PPP2R5C: variants seen among roughly 807,000 people sequenced by gnomAD.
The protein encoded by PPP2R5C is protein phosphatase 2 regulatory subunit B'gamma, also known as serine/threonine-protein phosphatase 2A 56 kDa regulatory subunit gamma isoform.
Under a neutral mutation model 68.9 loss-of-function variants are expected in PPP2R5C, and 7 were observed. The ratio of observed to expected loss-of-function variants is 0.10; its 90% CI spans 0.06 to 0.19. The LOEUF (loss-of-function observed/expected upper bound fraction) is 0.19. Among genes scored for constraint, PPP2R5C ranks in the 10% least tolerant of loss-of-function variants. The probability of loss-of-function intolerance (pLI) is 1.00; values close to 1 mark genes in which losing one functional copy is unlikely to be tolerated. For missense variants in PPP2R5C, 348 were observed against 641.3 expected (o/e 0.54, Z 4.94); for synonymous variants, 210 against 222.2 (o/e 0.95, Z 0.49).
rs1292493583 is a variant in PPP2R5C, at chr14:101,912,283, G to GC, written c.1254-117dup. The GC allele has an allele frequency of 4.2e-6, 3 of 722,386 alleles. No individual in the cohort carries two copies. The African/African-American group carries it at 5.5e-5, about 13-fold the overall frequency. The allele number at this position is 722,386 out of a possible 1,614,324, so 44.7% of individuals were successfully genotyped here. ...CAGCACGTAAGTGTGGGGAAATGGA[G>GC]CAGGGGGGCTGCGGGAGGAGCCGCT... is the stretch of plus-strand genomic sequence containing the variant. On this transcript the variant is annotated intron_variant, in intron 11 of 13. Coordinates refer to ENST00000334743, the Ensembl canonical transcript of PPP2R5C.
Position 101,917,638 on chromosome 14 carries a change from A to G in PPP2R5C, c.1327-193A>G, listed in dbSNP as rs2046754659. 1 of 628,736 alleles carries G rather than the reference A, an allele frequency of 1.6e-6. No homozygotes were observed. 38.9% of individuals were successfully genotyped at this position (628,736 alleles called of 1,614,324 possible). On this transcript the variant is annotated intron_variant, in intron 12 of 13. Coordinates refer to ENST00000334743, the Ensembl canonical transcript of PPP2R5C. The surrounding 1 kb of genome is among the most constrained non-coding windows in gnomAD (Gnocchi z 4.4). Reference sequence around the variant, plus strand: ...GGGGACCAGCTGCTTTACTGTCTCCACTGAGTGCTTTCTGGTTTCAGAAGT... The same window carrying G: ...GGGGACCAGCTGCTTTACTGTCTCCGCTGAGTGCTTTCTGGTTTCAGAAGT...
At chr14:101,914,917 TCA>T (rs2046580340) in intron 12 of PPP2R5C, among the ~76,000 whole-genome samples, 8 of 152,216 alleles carry the variant, frequency 5.3e-5, no homozygotes, top group Non-Finnish European at 7.3e-5. Context: ...TCTGTGAGAC[TCA>T]GAGTAGCTGT....
At position 101,917,698 on chromosome 14, in the gene PPP2R5C, C is replaced by A; in HGVS notation, c.1327-133C>A. 1 of 1,230,472 alleles carries A rather than the reference C, an allele frequency of 8.1e-7. No homozygotes were observed. The highest frequency in any genetic ancestry group is 1.1e-6 in the Non-Finnish European group (1 of 882,076). 76.2% of individuals were successfully genotyped at this position (1,230,472 alleles called of 1,614,324 possible). A position where few individuals can be genotyped will look rare whatever the true frequency, so the allele number is the denominator to read the frequency against. On this transcript the variant is annotated intron_variant, in intron 12 of 13. Transcript: ENST00000334743. The surrounding 1 kb of genome is among the most constrained non-coding windows in gnomAD (Gnocchi z 4.4). ...CATCATGTTGCAGGTGTAGGCGAGTCTCCCACTGAGTGGGCTTCCTGCGGG... is the reference window on the plus strand; with the variant it reads ...CATCATGTTGCAGGTGTAGGCGAGTATCCCACTGAGTGGGCTTCCTGCGGG...
rs775818748 is a variant in PPP2R5C, at chr14:101,919,969, C to CCAAAAAAAAAAAAAAAA, written c.1443+2022_1443+2023insCAAAAAAAAAAAAAAAA. On this transcript the variant is annotated intron_variant, in intron 13 of 13. Transcript: ENST00000334743. ...GGGCAAGAAAAGCAAAACTCCGTCTCAAAAAAAAAAAAAAAAAAAAAAACC... is the reference window on the plus strand; with the variant it reads ...GGGCAAGAAAAGCAAAACTCCGTCTCCAAAAAAAAAAAAAAAAAAAAAAAAAAAAAAAAAAAAAAACC... Among the ~76,000 whole-genome samples the CCAAAAAAAAAAAAAAAA allele has an allele frequency of 5.3e-4, 28 of 52,878 alleles. 1 individual carries two copies. The highest frequency in any genetic ancestry group is 2.4e-3 in the East Asian group (4 of 1,660). 34.7% of individuals were successfully genotyped at this position (52,878 alleles called of 152,430 possible). A position where few individuals can be genotyped will look rare whatever the true frequency, so the allele number is the denominator to read the frequency against.
At chr14:101,777,540 G>A (rs1321962979) in intron 2 of PPP2R5C, among the ~76,000 whole-genome samples, 1 of 152,002 alleles carries the variant, frequency 6.6e-6, no homozygotes, top group Non-Finnish European at 1.5e-5. Flanking sequence ...AGTAGGGATG[G>A]GGTTTCACCA....
At position 101,850,498 on chromosome 14, in the gene PPP2R5C, C is replaced by T. The variant is rs540752865; in HGVS notation, c.95-6188C>T. 1.9e-4 allele frequency among the ~76,000 whole-genome samples: 29 copies of T among 152,194 alleles called. No individual in the cohort carries two copies. The South Asian group carries it at 5.4e-3, about 28-fold the overall frequency. On this transcript the variant is annotated intron_variant, in intron 1 of 13. Coordinates refer to ENST00000334743, the Ensembl canonical transcript of PPP2R5C. ...ATTTAAAGAGAACTTGAGTAATTGG[C>T]GAAACAGTCCATGTTCATGAATTGG...
intron 13 of PPP2R5C, among the ~76,000 whole-genome samples, chr14:101,919,872 G>A (rs2046907901): frequency 6.6e-6 from 1 of 150,662 alleles, no homozygotes; most frequent in East Asian, 2.0e-4. Flanking sequence ...GGGAGGCTGA[G>A]GCAGGAGAAT....
At chr14:101,824,137 A>G (rs1595275417) in intron 1 of PPP2R5C, 1 of 1,285,134 alleles carries the variant, frequency 7.8e-7, no homozygotes, top group Non-Finnish European at 1.0e-6. Context: ...TTCAAGCTGC[A>G]TTTTAGACAT....
At chr14:101,836,331 C>T (rs1301681824) in intron 1 of PPP2R5C, 1 of 702,510 alleles carries the variant, frequency 1.4e-6, no homozygotes, top group South Asian at 1.5e-5. Context: ...TGCCCTTCTT[C>T]CTCTACTCCC....
intron 1 of PPP2R5C, among the ~76,000 whole-genome samples, chr14:101,821,444 G>GTGTGTGTGTGTGT (rs1555386174): frequency 7.7e-6 from 1 of 130,060 alleles, no homozygotes; most frequent in African/African-American, 2.8e-5. Context: ...GTGGGGGGTG[G>GTGTGTGTGTGTGT]GTGGGTGGGT....
chr14:101,862,983 G>A (rs915811876), intron 2 of PPP2R5C, among the ~76,000 whole-genome samples: 1 of 151,984 alleles, frequency 6.6e-6, no homozygotes, highest in Admixed American at 6.6e-5. Context: ...GCAAGTGTGC[G>A]CCACCACAAC....
intron 1 of PPP2R5C, 89 bp from the exon 2 acceptor site, chr14:101,762,816 A>C: frequency 9.6e-7 from 1 of 1,044,794 alleles, no homozygotes; most frequent in Non-Finnish European, 1.4e-6. Flanking sequence ...GTAGTTGTAT[A>C]AATCACTTTT....
At chr14:101,907,256 G>T (rs1016382374) in intron 10 of PPP2R5C, among the ~76,000 whole-genome samples, 2 of 151,786 alleles carry the variant, frequency 1.3e-5, no homozygotes, top group Non-Finnish European at 1.5e-5. Context: ...CTTCAGCCTC[G>T]ACCTCCTGGG....
chr14:101,896,838 T>C (rs2045368719), intron 8 of PPP2R5C, among the ~76,000 whole-genome samples: 1 of 152,194 alleles, frequency 6.6e-6, no homozygotes, highest in South Asian at 2.1e-4. Flanking sequence ...CTGGGCCCTT[T>C]CTCTCTTTCA....
chr14:101,786,313 GT>G (rs150794694), intron 3 of PPP2R5C, 130 bp downstream of exon 3: 87,251 of 528,650 alleles, frequency 0.17, 626 homozygotes, highest in South Asian at 0.19. Context: ...GTATTGAGGG[GT>G]TTTTTTTTTT....
intron 2 of PPP2R5C, 36 bp from the exon 3 acceptor site, chr14:101,785,982 G>C: frequency 6.6e-7 from 1 of 1,505,618 alleles, no homozygotes; most frequent in Non-Finnish European, 8.9e-7. Flanking sequence ...TACAACCATT[G>C]TACATATTCA....
chr14:101,766,530 A>T (rs2036869109), intron 2 of PPP2R5C: 2 of 152,358 alleles, frequency 1.3e-5, no homozygotes, highest in South Asian at 2.1e-4. Flanking sequence ...ATTAAAGGTC[A>T]TAACTGCTGC....
chr14:101,853,559 A>G (rs1158572564), intron 1 of PPP2R5C, among the ~76,000 whole-genome samples: 1 of 152,204 alleles, frequency 6.6e-6, no homozygotes, highest in Non-Finnish European at 1.5e-5. Flanking sequence ...TGCAGTGTTT[A>G]TAACGCGAAT....
exon 14 of PPP2R5C, chr14:101,926,670 G>A (rs1243724435): frequency 1.3e-5 from 2 of 152,414 alleles, no homozygotes; most frequent in Non-Finnish European, 2.9e-5. Context: ...GTGTCTTGAG[G>A]CATAAAAGAC....
Sources: gnomAD v4.1 joint callset for allele counts (sites outside exome capture counted in the v4.1 genomes callset) on GRCh38, gnomAD v4.1.1 for gene constraint, Gnocchi (gnomAD v3.1) non-coding constraint, MANE v1.5 for transcripts, NCBI Gene and HGNC (gene_info 2026-07-23, HGNC 2026-07-21) for gene names.